The following FRMD4B variants were observed in gnomAD, a reference collection of about 807,000 sequenced individuals.
FRMD4B encodes FERM domain containing 4B.
A neutral mutation model predicts 141.5 loss-of-function variants in FRMD4B; 74 were observed. The observed-to-expected ratio is 0.52, with a 90% CI of 0.43 to 0.63. The LOEUF is 0.63. FRMD4B is among the 30% of genes least tolerant of loss of function. The pLI is 0.00. For synonymous variants in FRMD4B, 506 were observed against 467.9 expected (o/e 1.08, Z -1.05); for missense variants, 1,366 against 1,253.4 (o/e 1.09, Z -1.36).
intron 2 of FRMD4B, among the ~76,000 whole-genome samples, chr3:69,423,361 C>T (rs892960842): frequency 3.0e-5 from 4 of 132,758 alleles, no homozygotes; most frequent in Non-Finnish European, 4.9e-5. Flanking sequence ...TGGGGAACAG[C>T]AAAAAATTTG....
rs2092585044 is a variant in FRMD4B at position 69,171,409 on chromosome 3, C to T, written c.*452G>A. On this transcript the variant is annotated 3_prime_UTR_variant, in exon 23 of 23. Coordinates refer to ENST00000398540, the MANE Select transcript of FRMD4B (RefSeq NM_015123.3). The stretch of plus-strand genomic sequence containing the variant: ...CTCTTTGTCAGCTCACGAATTCAAA[C>T]TCTGAAGTGAGCAATGACTCCGGAG... 6.4e-6 allele frequency: 1 copy of T among 155,774 alleles called. No individual in the cohort carries two copies. Among genetic ancestry groups the T allele is most frequent in the African/African-American group, 2.4e-5 (1 of 41,486 alleles). The allele number at this position is 155,774 out of a possible 1,614,324, so 9.6% of individuals were successfully genotyped here.
intron 2 of FRMD4B, among the ~76,000 whole-genome samples, chr3:69,402,945 T>C (rs889052779): frequency 6.6e-6 from 1 of 152,194 alleles, no homozygotes; most frequent in African/African-American, 2.4e-5. Context: ...GCCCTGGAAT[T>C]TCTGTATTAT....
intron 1 of FRMD4B, among the ~76,000 whole-genome samples, chr3:69,460,269 G>A (rs1369296175): frequency 1.3e-5 from 2 of 152,206 alleles, no homozygotes; most frequent in Non-Finnish European, 2.9e-5. Context: ...ATCATCACAT[G>A]TTGTTGGCCA....
At chr3:69,437,424 T>C (rs915200405) in intron 1 of FRMD4B, among the ~76,000 whole-genome samples, 2 of 148,420 alleles carry the variant, frequency 1.3e-5, no homozygotes, top group Non-Finnish European at 3.0e-5. Context: ...TGTATGTGTG[T>C]ATATATACAT....
chr3:69,324,009 C>G (rs976402138), intron 1 of FRMD4B, among the ~76,000 whole-genome samples: 1 of 152,162 alleles, frequency 6.6e-6, no homozygotes, highest in Admixed American at 6.5e-5. Flanking sequence ...GCCACTGTCT[C>G]GAAGCAAGGC....
At chr3:69,542,077 C>G (rs1284144071) in intron 1 of FRMD4B, 2 of 152,102 alleles carry the variant, frequency 1.3e-5, no homozygotes, top group African/African-American at 4.8e-5. Flanking sequence ...ACTCCTGGGA[C>G]CCGCACCTCC....
At chr3:69,410,364 A>C (rs191656736) in intron 2 of FRMD4B, among the ~76,000 whole-genome samples, 1 of 152,224 alleles carries the variant, frequency 6.6e-6, no homozygotes, top group Admixed American at 6.5e-5. Context: ...TATCTGCGTG[A>C]GTGTAATGGA....
chr3:69,262,647 T>A (rs2093535509), intron 5 of FRMD4B, among the ~76,000 whole-genome samples: 1 of 150,580 alleles, frequency 6.6e-6, no homozygotes, highest in Non-Finnish European at 1.5e-5. Flanking sequence ...TTAGTAGAGC[T>A]GGGGTGTCTC....
chr3:69,221,911 T>A lies in FRMD4B; in HGVS notation c.678A>T (p.Val226=). 6.5e-7 allele frequency: 1 copy of A among 1,538,022 alleles called. No individual in the cohort carries two copies. The highest frequency in any genetic ancestry group is 8.9e-7 in the Non-Finnish European group (1 of 1,118,056). Residue 226 remains valine (V), a synonymous_variant, in exon 9 of 23, where the codon GTA becomes GTT. Transcript: ENST00000398540. The part of the protein sequence containing the change: ...HPSLAYCEDR[V]IEHYLKIKGL... ...CTTTGATTTTCAAATAATGCTCAAT[T>A]ACCCTGTCCTCACTGTAAAACAAAG...
intron 12 of FRMD4B, chr3:69,197,637 AAG>A (rs763183080): frequency 5.9e-5 from 9 of 151,922 alleles, no homozygotes; most frequent in Non-Finnish European, 1.0e-4. Flanking sequence ...GGGGAAGTGA[AAG>A]AGAGAGAGAC....
At chr3:69,299,982 A>C (rs1701161026) in intron 4 of FRMD4B, among the ~76,000 whole-genome samples, 1 of 152,154 alleles carries the variant, frequency 6.6e-6, no homozygotes, top group East Asian at 1.9e-4. Context: ...ACCAAATGCT[A>C]TCTTTGGCTC....
chr3:69,315,555 T>C (rs1408263123), intron 1 of FRMD4B, among the ~76,000 whole-genome samples: 1 of 152,238 alleles, frequency 6.6e-6, no homozygotes, highest in Non-Finnish European at 1.5e-5. Context: ...TCTTTCTTTT[T>C]CAATTTCAGT....
intron 22 of FRMD4B, 79 bp downstream of exon 22, chr3:69,176,445 C>A: frequency 2.4e-6 from 3 of 1,228,238 alleles, no homozygotes; most frequent in Non-Finnish European, 3.6e-6. Context: ...ACTAGATTAT[C>A]TGACGTTTGT....
intron 1 of FRMD4B, among the ~76,000 whole-genome samples, chr3:69,488,603 A>G (rs912008834): frequency 6.6e-6 from 1 of 152,160 alleles, no homozygotes; most frequent in Non-Finnish European, 1.5e-5. Context: ...AGACCTAGCT[A>G]TAAAAGTTTA....
intron 22 of FRMD4B, among the ~76,000 whole-genome samples, chr3:69,172,562 C>A (rs530965857): frequency 6.6e-6 from 1 of 151,996 alleles, no homozygotes; most frequent in Non-Finnish European, 1.5e-5. Flanking sequence ...AAGTACTCTT[C>A]GAATTGAGGG....
intron 7 of FRMD4B, among the ~76,000 whole-genome samples, chr3:69,229,125 A>G (rs984244527): frequency 1.3e-5 from 2 of 150,256 alleles, no homozygotes; most frequent in African/African-American, 2.4e-5. Context: ...TCCAGGGCTC[A>G]AGTGATCCTC....
intron 3 of FRMD4B, among the ~76,000 whole-genome samples, chr3:69,309,249 G>A (rs1244958696): frequency 1.3e-5 from 2 of 148,338 alleles, no homozygotes; most frequent in African/African-American, 2.5e-5. Context: ...CTCAGCCTCA[G>A]CCTCCTGAGT....
Position 69,276,342 on chromosome 3 carries a change from G to A in FRMD4B, c.501+11410C>T, listed in dbSNP as rs563146930. 1.4e-4 allele frequency among the ~76,000 whole-genome samples: 21 copies of A among 152,208 alleles called. No homozygotes were observed. The South Asian group carries it at 1.9e-3, about 14-fold the overall frequency. ...GGCTGGAGTGCAGTGGCACAGTCAT[G>A]GTTCGCTGCAGCCTGAAATTCCTGG... On this transcript the variant is annotated intron_variant, in intron 5 of 22. Coordinates refer to ENST00000398540, the MANE Select transcript of FRMD4B (RefSeq NM_015123.3).
chr3:69,225,712 AAAAAAAAAAAAAAAAAGAG>A lies in FRMD4B; in HGVS notation c.582-1041_582-1023del, dbSNP rs1365439674. ...TCCGTCTCAAAAAAAAAAAAAAAAAAAAAAAAAAAAAAAAAAGAGGGAGAACACGTAATACTACCCAGTC... is the reference window on the plus strand; with the variant it reads ...TCCGTCTCAAAAAAAAAAAAAAAAAAGGAGAACACGTAATACTACCCAGTC... On this transcript the variant is annotated intron_variant, in intron 7 of 22. Transcript: ENST00000398540. Among the ~76,000 whole-genome samples, 9 of 77,144 alleles carry A rather than the reference AAAAAAAAAAAAAAAAAGAG, an allele frequency of 1.2e-4. 1 individual carries two copies. Among genetic ancestry groups the A allele is most frequent in the African/African-American group, 2.8e-4 (7 of 25,094 alleles). The allele number at this position is 77,144 out of a possible 152,430, so 50.6% of individuals were successfully genotyped here. A position where few individuals can be genotyped will look rare whatever the true frequency, so the allele number is the denominator to read the frequency against.
Sources: gnomAD v4.1 joint callset for allele counts (sites outside exome capture counted in the v4.1 genomes callset) on GRCh38, gnomAD v4.1.1 for gene constraint, MANE v1.5 for transcripts, NCBI Gene and HGNC (gene_info 2026-07-23, HGNC 2026-07-21) for gene names.